The following ZZEF1 variants were observed in gnomAD, a reference collection of about 807,000 sequenced individuals.
The protein encoded by ZZEF1 is zinc finger ZZ-type and EF-hand domain-containing protein 1.
ZZEF1 carries 157 observed loss-of-function variants against 342.8 expected under a neutral mutation model. That is an observed-to-expected ratio of 0.46 (90% CI 0.40 to 0.52). The LOEUF is 0.52. Ranked by LOEUF, ZZEF1 falls within the 20% of genes least tolerant of loss-of-function variation. ZZEF1 has a pLI of 0.00. For synonymous variants in ZZEF1, 1,505 were observed against 1,429.1 expected, an observed-to-expected ratio of 1.05 and a Z score of -1.20; for missense variants, 3,480 against 3,725.6, an observed-to-expected ratio of 0.93 and a Z score of 1.72.
rs769466954 is a variant in ZZEF1, at chr17:4,116,954, A to G, written c.694+18T>C. On this transcript the variant is annotated intron_variant, in intron 3 of 54. Coordinates refer to ENST00000381638, the MANE Select transcript of ZZEF1 (RefSeq NM_015113.4). ...AAATGATCAGAGTATTTTCAGGAGA[A>G]CCCCCACACACACATACCCTTTTCC... The G allele has an allele frequency of 6.5e-7, 1 of 1,546,826 alleles. No individual in the cohort carries two copies. Among genetic ancestry groups the G allele is most frequent in the Non-Finnish European group, 8.8e-7 (1 of 1,141,956 alleles).
Position 4,101,150 on chromosome 17 carries a change from C to T in ZZEF1, c.1672+1167G>A, listed in dbSNP as rs1597893101. 2.0e-5 allele frequency among the ~76,000 whole-genome samples: 3 copies of T among 152,154 alleles called. No individual in the cohort carries two copies. The South Asian group carries it at 6.2e-4, about 32-fold the overall frequency. On this transcript the variant is annotated intron_variant, in intron 9 of 54. Coordinates refer to ENST00000381638, the MANE Select transcript of ZZEF1 (RefSeq NM_015113.4). ...CCACAGGGAAACAATCTGCTTTAAG[C>T]ATCTACTGCTGAAGAGGAGCACTGA...
chr17:4,076,507 G>T, intron 21 of ZZEF1, 130 bp downstream of exon 21: 1 of 1,233,454 alleles, frequency 8.1e-7, no homozygotes, highest in Non-Finnish European at 1.1e-6. Flanking sequence ...CAAGCCCACT[G>T]ATAAAATCAA....
chr17:4,120,351 C>T (rs1394179135), intron 2 of ZZEF1, among the ~76,000 whole-genome samples: 4 of 150,156 alleles, frequency 2.7e-5, no homozygotes, highest in South Asian at 2.1e-4. Context: ...AGCAAGATTC[C>T]GTCTCAGAAA....
At chr17:4,070,128 T>C (rs377516782) in intron 26 of ZZEF1, among the ~76,000 whole-genome samples, 19 of 152,140 alleles carry the variant, frequency 1.2e-4, no homozygotes, top group African/African-American at 4.3e-4. Flanking sequence ...AGGAGAAGGT[T>C]ATCAGCAAAG....
At position 4,120,218 on chromosome 17, in the gene ZZEF1, G is replaced by A. The variant is rs545620516; in HGVS notation, c.500-3052C>T. On this transcript the variant is annotated intron_variant, in intron 2 of 54. Coordinates refer to ENST00000381638, the MANE Select transcript of ZZEF1 (RefSeq NM_015113.4). ...CTAAAAATACAAAAATTATCTGGGC[G>A]CGGTGGCGGGTGCCTGTAATTCCAG... Among the ~76,000 whole-genome samples the A allele has an allele frequency of 1.9e-4, 29 of 152,162 alleles. No individual in the cohort carries two copies. In the South Asian group the frequency reaches 3.1e-3, roughly 16 times the overall value.
intron 35 of ZZEF1, among the ~76,000 whole-genome samples, chr17:4,051,747 G>GA (rs35370638): frequency 0.13 from 16,486 of 128,964 alleles, 1,218 homozygotes; most frequent in African/African-American, 0.22. Context: ...TTTAACACAG[G>GA]AAAAAAAAAA....
At chr17:4,013,837 C>G (rs1347338825) in intron 51 of ZZEF1, among the ~76,000 whole-genome samples, 1 of 152,132 alleles carries the variant, frequency 6.6e-6, no homozygotes, top group Non-Finnish European at 1.5e-5. Context: ...AATGCCCTGG[C>G]AAATTCTAAG....
At chr17:4,049,459 G>C (rs771535476) in intron 37 of ZZEF1, among the ~76,000 whole-genome samples, 7 of 152,156 alleles carry the variant, frequency 4.6e-5, no homozygotes, top group Non-Finnish European at 1.0e-4. Flanking sequence ...GCTGCAGTGA[G>C]CCAAGATCAC....
chr17:4,060,563 AAAC>A (rs58090435), intron 30 of ZZEF1, among the ~76,000 whole-genome samples: 23,860 of 149,850 alleles, frequency 0.16, 2,111 homozygotes, highest in African/African-American at 0.24. Context: ...ACAAAAAAAC[AAAC>A]AACAACAACA....
chr17:4,026,552 G>A (rs1433535426), intron 42 of ZZEF1, among the ~76,000 whole-genome samples: 1 of 123,106 alleles, frequency 8.1e-6, no homozygotes, highest in South Asian at 2.6e-4. Context: ...CGGAGTTTTT[G>A]CTCTTGTCAC....
At chr17:4,091,403 A>G (rs570131589) in intron 11 of ZZEF1, among the ~76,000 whole-genome samples, 1 of 152,328 alleles carries the variant, frequency 6.6e-6, no homozygotes, top group South Asian at 2.1e-4. Context: ...GGCTGAAGAG[A>G]TGTCTTCTCT....
chr17:4,089,261 C>G lies in ZZEF1; in HGVS notation c.2026-368G>C, dbSNP rs551784206. Reference sequence around the variant, plus strand: ...AGTCAATGCCCTCCACCTCAAAGCCCCCAAGTGATATAGGCAACCCCTAAG... The same window carrying G: ...AGTCAATGCCCTCCACCTCAAAGCCGCCAAGTGATATAGGCAACCCCTAAG... On this transcript the variant is annotated intron_variant, in intron 12 of 54. Coordinates refer to ENST00000381638, the MANE Select transcript of ZZEF1 (RefSeq NM_015113.4). Among the ~76,000 whole-genome samples, 10 of 152,246 alleles carry G rather than the reference C, an allele frequency of 6.6e-5. No homozygotes were observed. In the South Asian group the frequency reaches 1.9e-3, roughly 28 times the overall value.
At position 4,062,837 on chromosome 17, in the gene ZZEF1, T is replaced by G; in HGVS notation, c.4799A>C (p.Glu1600Ala). The G allele has an allele frequency of 6.2e-7, 1 of 1,613,682 alleles. No individual in the cohort carries two copies. Among genetic ancestry groups the G allele is most frequent in the Non-Finnish European group, 8.5e-7 (1 of 1,179,846 alleles). ...GAAGCAGTGGGGCTGCCCAAGGGAT[T>G]CTGCACAGTGCTGAGTTATCTTCAG... ...EVLKITQHCA[E>A]SLGQPHCFHP... Residue 1600 changes from glutamate (E) to alanine (A), a missense_variant, in exon 30 of 55, where the codon GAA becomes GCA. By Grantham distance (107) the Glu-to-Ala change is moderately radical. Around this residue, in one of 5 missense-constraint regions of ZZEF1, gnomAD observed 1,528 missense variants for 1,624.1 expected, o/e 0.94. Transcript: ENST00000381638.
chr17:4,018,212 T>A (rs1403144498), intron 46 of ZZEF1, among the ~76,000 whole-genome samples: 5 of 152,148 alleles, frequency 3.3e-5, no homozygotes, highest in Non-Finnish European at 5.9e-5. Flanking sequence ...CTTTTCTATC[T>A]TTTCCATTTT....
intron 21 of ZZEF1, 159 bp downstream of exon 21, chr17:4,076,478 T>C: frequency 1.1e-6 from 1 of 930,864 alleles, no homozygotes; most frequent in Non-Finnish European, 1.5e-6. Context: ...CGACTTGGAC[T>C]GACATTCACC....
At chr17:4,140,910 CTT>C (rs34876417) in intron 1 of ZZEF1, among the ~76,000 whole-genome samples, 149 of 141,584 alleles carry the variant, frequency 1.1e-3, no homozygotes, top group Admixed American at 1.3e-3. Context: ...ACTAATATGA[CTT>C]TTTTTTTTTT....
chr17:4,128,873 G>A (rs9906080), intron 1 of ZZEF1, among the ~76,000 whole-genome samples: 23,002 of 146,094 alleles, frequency 0.16, 1,944 homozygotes, highest in African/African-American at 0.23. Context: ...CCGAGTTCAA[G>A]CTATTCTTCC....
intron 18 of ZZEF1, among the ~76,000 whole-genome samples, chr17:4,079,047 A>T (rs777308498): frequency 3.3e-5 from 5 of 152,248 alleles, no homozygotes; most frequent in Non-Finnish European, 2.9e-5. Flanking sequence ...AGAAGAAAAG[A>T]CACACAACTG....
chr17:4,012,969 G>C (rs1350509211), intron 52 of ZZEF1, among the ~76,000 whole-genome samples: 1 of 151,864 alleles, frequency 6.6e-6, no homozygotes, highest in East Asian at 1.9e-4. Flanking sequence ...TATAAATAGA[G>C]GAATATATAA....
Sources: gnomAD v4.1 joint callset for allele counts (sites outside exome capture counted in the v4.1 genomes callset) on GRCh38, gnomAD v4.1.1 for gene constraint, gnomAD v4.1.1 regional missense constraint, MANE v1.5 for transcripts, NCBI Gene and HGNC (gene_info 2026-07-23, HGNC 2026-07-21) for gene names.